The following SEMA7A variants were observed in gnomAD, a reference collection of about 807,000 sequenced individuals.
SEMA7A encodes semaphorin-7A.
Under a neutral mutation model 67.5 loss-of-function variants are expected in SEMA7A, and 21 were observed. The ratio of observed to expected loss-of-function variants is 0.31; its 90% confidence interval spans 0.22 to 0.45. SEMA7A has a LOEUF of 0.45. Ranked by LOEUF, SEMA7A falls within the 20% of genes least tolerant of loss-of-function variation. The pLI is 1.00. For missense variants in SEMA7A, 774 were observed against 908.6 expected, an observed-to-expected ratio of 0.85 and a Z score of 1.90; for synonymous variants, 364 against 368.5, an observed-to-expected ratio of 0.99 and a Z score of 0.14.
chr15:74,425,059 C>T (rs551695905), intron 1 of SEMA7A, among the ~76,000 whole-genome samples: 27 of 152,286 alleles, frequency 1.8e-4, no homozygotes, highest in Admixed American at 1.6e-3. Flanking sequence ...TTAGCCTGAA[C>T]CAGCAGGGGA....
chr15:74,412,158 G>C (rs188538429), intron 10 of SEMA7A, 146 bp from the exon 11 acceptor site: 1 of 969,280 alleles, frequency 1.0e-6, no homozygotes, highest in Non-Finnish European at 1.5e-6. Flanking sequence ...GCGTGACTGG[G>C]GAAGAATGTG....
In SEMA7A at chr15:74,410,626, A is replaced by T; in HGVS notation, c.1999T>A (p.Ter667LysextTer40). 6.3e-7 allele frequency: 1 copy of T among 1,582,982 alleles called. No homozygotes were observed. Residue 667 changes from the stop codon to lysine, a stop_lost, in exon 14 of 14, where the codon TAG becomes AAG. Transcript: ENST00000261918. The surrounding 1 kb of genome is among the most constrained non-coding windows in gnomAD (Gnocchi z 7.5). ...PTLTLGLLVH[*>K] ...GGCATGCCCAGCCTCGGGAGGCCCT[A>T]GTGGACCAGCAAGCCAAGAGTGAGT...
At chr15:74,416,908 C>T (rs2060953991) in intron 6 of SEMA7A, among the ~76,000 whole-genome samples, 194 bp from the exon 7 acceptor site, 1 of 152,200 alleles carries the variant, frequency 6.6e-6, no homozygotes, top group Non-Finnish European at 1.5e-5. Context: ...ACCTGTTTTG[C>T]CCTCTTCCTA....
In SEMA7A at chr15:74,417,383, G is replaced by T. The variant is rs143114662; in HGVS notation, c.613C>A (p.Arg205Ser). The T allele has an allele frequency of 1.2e-6, 2 of 1,613,906 alleles. No homozygotes were observed. Among genetic ancestry groups the T allele is most frequent in the African/African-American group, 1.3e-5 (1 of 74,918 alleles). ...TACAGCTCACTCTCGCCCCGGATGC[G>T]GCGGAACCGAGGGATCTTCCCATTG... ...EYNGKIPRFR[R>S]IRGESELYTS... Residue 205 changes from arginine to serine, a missense_variant, in exon 6 of 14, where the codon CGC becomes AGC. Arg to Ser is a moderately radical substitution (Grantham distance 110). Transcript: ENST00000261918.
At position 74,414,915 on chromosome 15, in the gene SEMA7A, C is replaced by T. The variant is rs200278425; in HGVS notation, c.1018G>A (p.Gly340Ser). The change falls in exon 9 of 14, where the codon GGT becomes AGT. Residue 340 changes from glycine (G) to serine (S), a missense_variant. Around this residue, in one of 2 missense-constraint regions of SEMA7A, gnomAD observed 427 missense variants for 555.4 expected, o/e 0.77. Transcript: ENST00000261918. The surrounding 1 kb of genome is among the most constrained non-coding windows in gnomAD (Gnocchi z 4.1). The stretch of plus-strand genomic sequence containing the variant: ...GTACGGAAGACCTTGTCAATGTCAC[C>T]GAGGGAATACACACAGACGGCTGAG... ...NYSAVCVYSL[G>S]DIDKVFRTSS... 1.1e-5 allele frequency: 18 copies of T among 1,614,070 alleles called. No individual in the cohort carries two copies. The South Asian group carries it at 1.2e-4, about 11-fold the overall frequency.
intron 1 of SEMA7A, chr15:74,427,322 G>A: frequency 3.0e-6 from 3 of 985,378 alleles, no homozygotes; most frequent in Non-Finnish European, 2.4e-6. Flanking sequence ...CAAGACTGGG[G>A]CAGGCCAAAC....
At chr15:74,427,386 G>T in intron 1 of SEMA7A, 3 of 985,468 alleles carry the variant, frequency 3.0e-6, no homozygotes, top group Non-Finnish European at 3.6e-6. Context: ...CACCAATGGA[G>T]TGCAGAAGTC....
intron 1 of SEMA7A, among the ~76,000 whole-genome samples, chr15:74,430,338 C>T (rs1417576690): frequency 6.6e-6 from 1 of 152,174 alleles, no homozygotes; most frequent in African/African-American, 2.4e-5. Context: ...CAGACTCTGC[C>T]CAGCCCCTCC....
intron 1 of SEMA7A, 166 bp downstream of exon 1, chr15:74,433,575 C>G: frequency 1.6e-6 from 2 of 1,236,966 alleles, no homozygotes; most frequent in Non-Finnish European, 2.0e-6. Flanking sequence ...AGCGTGTACA[C>G]TCACACACAC....
intron 1 of SEMA7A, 78 bp downstream of exon 1, chr15:74,433,663 C>T: frequency 1.5e-6 from 2 of 1,331,470 alleles, no homozygotes; most frequent in Non-Finnish European, 1.9e-6. Context: ...CACGCACTCC[C>T]TCCGGGTGCA....
rs531735795 is a variant in SEMA7A, at chr15:74,433,731, C to T, written c.178+10G>A. ...ATCCCGCGCCTGACCGGCCGCGCGG[C>T]GCCGCCTACCTTTCCAGACGGCGAA... On this transcript the variant is annotated intron_variant, in intron 1 of 13. Coordinates refer to ENST00000261918, the MANE Select transcript of SEMA7A (RefSeq NM_003612.5). 15 of 1,425,872 alleles carry T rather than the reference C, an allele frequency of 1.1e-5. No homozygotes were observed. The South Asian group carries it at 1.8e-4, about 18-fold the overall frequency. 88.3% of individuals were successfully genotyped at this position (1,425,872 alleles called of 1,614,324 possible). A position where few individuals can be genotyped will look rare whatever the true frequency, so the allele number is the denominator to read the frequency against.
intron 1 of SEMA7A, among the ~76,000 whole-genome samples, chr15:74,421,517 C>T (rs2060999914): frequency 6.6e-6 from 1 of 152,192 alleles, no homozygotes; most frequent in Admixed American, 6.5e-5. Context: ...GGACCACGGC[C>T]TCCCATGACC....
intron 4 of SEMA7A, 48 bp downstream of exon 4, chr15:74,417,829 C>T (rs202174103): frequency 4.8e-5 from 76 of 1,596,904 alleles, no homozygotes; most frequent in African/African-American, 2.0e-4. Flanking sequence ...CAGAAGCCCA[C>T]GCAGTAGAAG....
At chr15:74,424,135 G>A (rs1316425270) in intron 1 of SEMA7A, among the ~76,000 whole-genome samples, 1 of 152,176 alleles carries the variant, frequency 6.6e-6, no homozygotes, top group Admixed American at 6.5e-5. Context: ...TATATCTCAT[G>A]TGTGGCTCAG....
chr15:74,413,429 T>C (rs1265540319), intron 10 of SEMA7A, among the ~76,000 whole-genome samples: 1 of 152,210 alleles, frequency 6.6e-6, no homozygotes, highest in Non-Finnish European at 1.5e-5. Flanking sequence ...ATCACTCAAG[T>C]GTGCTCACCT....
At chr15:74,424,645 C>CCTAG (rs1321479442) in intron 1 of SEMA7A, among the ~76,000 whole-genome samples, 1 of 152,170 alleles carries the variant, frequency 6.6e-6, no homozygotes, top group Non-Finnish European at 1.5e-5. Flanking sequence ...GGGGCAAAGT[C>CCTAG]CTAGGGAGAA....
chr15:74,417,658 C>T lies in SEMA7A; in HGVS notation c.483G>A (p.Val161=), dbSNP rs758055139. The change falls in exon 5 of 14, where the codon GTG becomes GTA. Residue 161 remains valine (V), a synonymous_variant. Transcript: ENST00000261918. ...SCWNLVNGTV[V]PLGEMRGYAP... is the part of the protein sequence containing the mutation. ...CGTAGCCTCTCATCTCGCCAAGTGG[C>T]ACCACAGTGCCATTCACCTGTGGGA... 6.2e-7 allele frequency: 1 copy of T among 1,611,914 alleles called. No individual in the cohort carries two copies. The highest frequency in any genetic ancestry group is 1.7e-5 in the Admixed American group (1 of 59,976).
intron 1 of SEMA7A, among the ~76,000 whole-genome samples, chr15:74,431,954 T>C (rs921372837): frequency 2.0e-5 from 3 of 151,640 alleles, no homozygotes; most frequent in African/African-American, 7.3e-5. Context: ...GGCGGGGGGG[T>C]AGGCCATGGA....
At chr15:74,422,975 C>A (rs1281579970) in intron 1 of SEMA7A, among the ~76,000 whole-genome samples, 1 of 152,258 alleles carries the variant, frequency 6.6e-6, no homozygotes, top group Non-Finnish European at 1.5e-5. Context: ...ATGCTCTGGT[C>A]TGGCAAAGCC....
Sources: gnomAD v4.1 joint callset for allele counts (sites outside exome capture counted in the v4.1 genomes callset) on GRCh38, gnomAD v4.1.1 for gene constraint, gnomAD v4.1.1 regional missense constraint, Gnocchi (gnomAD v3.1) non-coding constraint, MANE v1.5 for transcripts, NCBI Gene and HGNC (gene_info 2026-07-23, HGNC 2026-07-21) for gene names.